SUPT4H1: variants seen among roughly 807,000 people sequenced by gnomAD.
SUPT4H1 encodes SPT4 homolog, DSIF elongation factor subunit.
SUPT4H1 carries 12 observed loss-of-function variants against 19.4 expected under a neutral mutation model. That is an observed-to-expected ratio of 0.62 (90% CI 0.40 to 1.00). The LOEUF (loss-of-function observed/expected upper bound fraction) is 1.00. SUPT4H1 is among the 50% of genes least tolerant of loss of function. SUPT4H1 has a pLI of 0.00. For missense variants in SUPT4H1, 115 were observed against 149.2 expected, an observed-to-expected ratio of 0.77 and a Z score of 1.19; for synonymous variants, 58 against 56.3, an observed-to-expected ratio of 1.03 and a Z score of -0.14.
At chr17:58,346,598 C>T (rs1174154065) in intron 4 of SUPT4H1, among the ~76,000 whole-genome samples, 1 of 151,428 alleles carries the variant, frequency 6.6e-6, no homozygotes, top group Non-Finnish European at 1.5e-5. Flanking sequence ...TGGCTTGCAC[C>T]TGTAGTGCCA....
chr17:58,347,248 G>C lies in SUPT4H1; in HGVS notation c.233-7C>G. On this transcript the variant is annotated splice_region_variant and splice_polypyrimidine_tract_variant and intron_variant, in intron 3 of 4. Transcript: ENST00000225504. The stretch of plus-strand genomic sequence containing the variant: ...ACACCTGGCTTAAAGTTACCTGAGA[G>C]AGAAGAAAAAAGATACAAGATTACA... 1.2e-6 allele frequency: 2 copies of C among 1,613,820 alleles called. No individual in the cohort carries two copies. Among genetic ancestry groups the C allele is most frequent in the South Asian group, 1.1e-5 (1 of 91,014 alleles).
chr17:58,346,087 G>T lies in SUPT4H1; in HGVS notation c.*159C>A. ...CCTCCCACCCCACCTGTAGTCCAAA[G>T]AAGATAAAATGATAAAATGATGTGC... On this transcript the variant is annotated 3_prime_UTR_variant, in exon 5 of 5. Transcript: ENST00000225504. 1.6e-6 allele frequency: 1 copy of T among 611,552 alleles called. No homozygotes were observed. Among genetic ancestry groups the T allele is most frequent in the South Asian group, 1.9e-5 (1 of 53,334 alleles). 37.9% of individuals were successfully genotyped at this position (611,552 alleles called of 1,614,324 possible). A position where few individuals can be genotyped will look rare whatever the true frequency, so the allele number is the denominator to read the frequency against.
Position 58,346,169 on chromosome 17 carries a change from T to C in SUPT4H1, c.*77A>G. On this transcript the variant is annotated 3_prime_UTR_variant, in exon 5 of 5. Transcript: ENST00000225504. ...GGAGGGTAGGAAGTATTTGAAGTTC[T>C]GTTCATTTAGTTCCAGAACAAGAAA... The C allele has an allele frequency of 8.3e-7, 1 of 1,204,154 alleles. No homozygotes were observed. The highest frequency in any genetic ancestry group is 2.3e-5 in the East Asian group (1 of 42,844). 74.6% of individuals were successfully genotyped at this position (1,204,154 alleles called of 1,614,324 possible).
At chr17:58,346,491 A>G (rs1400694883) in intron 4 of SUPT4H1, 178 bp from the exon 5 acceptor site, 1 of 589,254 alleles carries the variant, frequency 1.7e-6, no homozygotes, top group Non-Finnish European at 3.1e-6. Context: ...TTGGGAGGTC[A>G]AGGTGGATCA....
intron 4 of SUPT4H1, 54 bp downstream of exon 4, chr17:58,347,134 A>C: frequency 6.4e-7 from 1 of 1,560,604 alleles, no homozygotes; most frequent in Non-Finnish European, 8.8e-7. Context: ...CAGATAAAAA[A>C]ACTTCCACAG....
chr17:58,351,291 C>T (rs1331913703), intron 2 of SUPT4H1, 111 bp downstream of exon 2: 1 of 690,736 alleles, frequency 1.4e-6, no homozygotes, highest in East Asian at 2.8e-5. Context: ...CAAAATAACC[C>T]CCAAAAACGA....
chr17:58,350,277 G>A (rs1027050786), intron 2 of SUPT4H1, among the ~76,000 whole-genome samples: 1 of 152,028 alleles, frequency 6.6e-6, no homozygotes, highest in East Asian at 1.9e-4. Context: ...ACTTTGGGAG[G>A]CCGAGGCGGG....
chr17:58,346,284 C>T lies in SUPT4H1; in HGVS notation c.316G>A (p.Val106Met). The stretch of plus-strand genomic sequence containing the variant: ...GCTGTGTCTCTGGATTTGTAGGCCA[C>T]TCCTCGACTTTTCAGCTCCCGCACG... Reference protein sequence around the residue: ...GIVRELKSRGVAYKSRDTAIK... With the variant: ...GIVRELKSRGMAYKSRDTAIK... The change falls in exon 5 of 5, where the codon GTG becomes ATG. Residue 106 changes from valine (V) to methionine (M), a missense_variant. Transcript: ENST00000225504. 6.2e-7 allele frequency: 1 copy of T among 1,614,098 alleles called. No homozygotes were observed. The highest frequency in any genetic ancestry group is 8.5e-7 in the Non-Finnish European group (1 of 1,179,992).
intron 2 of SUPT4H1, among the ~76,000 whole-genome samples, chr17:58,349,284 G>A (rs1972401114): frequency 6.6e-6 from 1 of 152,204 alleles, no homozygotes; most frequent in Non-Finnish European, 1.5e-5. Flanking sequence ...GCATTCAATA[G>A]AAATCGTTTT....
intron 4 of SUPT4H1, 58 bp downstream of exon 4, chr17:58,347,130 A>C: frequency 6.5e-7 from 1 of 1,549,726 alleles, no homozygotes; most frequent in East Asian, 2.2e-5. Flanking sequence ...AATTCAGATA[A>C]AAAAACTTCC....
chr17:58,347,360 G>A (rs777309563), intron 3 of SUPT4H1, 119 bp from the exon 4 acceptor site: 1 of 1,360,874 alleles, frequency 7.3e-7, no homozygotes, highest in African/African-American at 1.4e-5. Flanking sequence ...CCCTCTTTTG[G>A]CTACAAGTGT....
intron 1 of SUPT4H1, 29 bp downstream of exon 1, chr17:58,352,038 G>A: frequency 6.2e-7 from 1 of 1,613,332 alleles, no homozygotes; most frequent in East Asian, 2.2e-5. Flanking sequence ...GTCCCCCATG[G>A]GCCCTACAAC....
chr17:58,351,545 A>G, intron 1 of SUPT4H1, 37 bp from the exon 2 acceptor site: 1 of 1,397,318 alleles, frequency 7.2e-7, no homozygotes, highest in African/African-American at 1.4e-5. Context: ...AAGGAGAGAT[A>G]AGCATGAACA....
At chr17:58,350,836 C>CG (rs1355811656) in intron 2 of SUPT4H1, among the ~76,000 whole-genome samples, 1 of 81,906 alleles carries the variant, frequency 1.2e-5, no homozygotes, top group Non-Finnish European at 2.2e-5. Flanking sequence ...AAAGTCTGTC[C>CG]AAAAAAAAAA....
At chr17:58,348,412 T>C (rs1012113838) in intron 2 of SUPT4H1, among the ~76,000 whole-genome samples, 5 of 152,056 alleles carry the variant, frequency 3.3e-5, no homozygotes, top group Non-Finnish European at 7.4e-5. Flanking sequence ...TCCCTTCCCA[T>C]CCAAATCCTA....
intron 2 of SUPT4H1, among the ~76,000 whole-genome samples, chr17:58,348,264 A>G (rs1000187834): frequency 2.0e-5 from 3 of 152,170 alleles, no homozygotes; most frequent in Admixed American, 1.3e-4. Context: ...ATGGGTAAGC[A>G]TTTTTGTCAT....
intron 2 of SUPT4H1, among the ~76,000 whole-genome samples, chr17:58,349,766 T>TA (rs111777681): frequency 0.42 from 63,820 of 151,758 alleles, 13,426 homozygotes; most frequent in East Asian, 0.54. Flanking sequence ...GACATTATGT[T>TA]GGTGAAAGAA....
intron 1 of SUPT4H1, chr17:58,351,833 C>A (rs2143339054): frequency 3.4e-6 from 2 of 581,192 alleles, no homozygotes; most frequent in East Asian, 2.9e-5. Flanking sequence ...GTAAGTTCAC[C>A]GAACGTCTAA....
At chr17:58,350,284 C>T (rs1009117666) in intron 2 of SUPT4H1, among the ~76,000 whole-genome samples, 5 of 151,596 alleles carry the variant, frequency 3.3e-5, no homozygotes, top group East Asian at 1.9e-4. Flanking sequence ...GAGGCCGAGG[C>T]GGGTGGATCA....
Sources: gnomAD v4.1 joint callset for allele counts (sites outside exome capture counted in the v4.1 genomes callset) on GRCh38, gnomAD v4.1.1 for gene constraint, MANE v1.5 for transcripts, NCBI Gene and HGNC (gene_info 2026-07-23, HGNC 2026-07-21) for gene names.